HSD17B13: variants seen among roughly 807,000 people sequenced by gnomAD.
HSD17B13 encodes the protein hydroxysteroid 17-beta dehydrogenase 13, also known as 17-beta-hydroxysteroid dehydrogenase 13.
A neutral mutation model predicts 31.1 loss-of-function variants in HSD17B13; 26 were observed. The observed-to-expected ratio is 0.84, with a 90% CI of 0.61 to 1.16. The LOEUF is 1.16. HSD17B13 is among the 50% of genes most tolerant of loss of function. The pLI is 0.00. For missense variants in HSD17B13, 374 were observed against 366.5 expected, an observed-to-expected ratio of 1.02 and a Z score of -0.17; for synonymous variants, 141 against 133.7, an observed-to-expected ratio of 1.05 and a Z score of -0.38.
In HSD17B13 at chr4:87,319,961, G is replaced by A. The variant is rs6814819; in HGVS notation, c.211-1525C>T. On this transcript the variant is annotated intron_variant, in intron 1 of 6. Transcript: ENST00000328546. ...AAGGTTTTAAAAATTATACTTTTCC[G>A]TCTCACAATCTGTAAACTCTTCTCT... Among the ~76,000 whole-genome samples, 799 of 152,172 alleles carry A rather than the reference G, an allele frequency of 5.3e-3. 9 individuals are homozygous for A. Among genetic ancestry groups the A allele is most frequent in the African/African-American group, 0.018 (737 of 41,508 alleles).
At chr4:87,314,778 G>A (rs1271311337) in intron 4 of HSD17B13, among the ~76,000 whole-genome samples, 1 of 152,126 alleles carries the variant, frequency 6.6e-6, no homozygotes, top group Non-Finnish European at 1.5e-5. Context: ...TTTAGCTTCT[G>A]TAGGTTTTGC....
At chr4:87,320,958 C>T (rs1032906961) in intron 1 of HSD17B13, among the ~76,000 whole-genome samples, 1 of 152,190 alleles carries the variant, frequency 6.6e-6, no homozygotes, top group Admixed American at 6.5e-5. Flanking sequence ...CATTCAGTAG[C>T]TTAAATGTTT....
At chr4:87,308,485 T>C (rs1009811144) in intron 6 of HSD17B13, among the ~76,000 whole-genome samples, 1 of 33,196 alleles carries the variant, frequency 3.0e-5, no homozygotes, top group African/African-American at 6.1e-5. Context: ...CCGTCTCTAC[T>C]AAAAAAAAAA....
intron 1 of HSD17B13, among the ~76,000 whole-genome samples, chr4:87,321,554 A>G (rs1345172883): frequency 1.3e-5 from 2 of 152,206 alleles, no homozygotes; most frequent in Non-Finnish European, 2.9e-5. Context: ...CTCTATTTGT[A>G]AATTCTTGCT....
Position 87,317,165 on chromosome 4 carries a change from G to A in HSD17B13, c.377C>T (p.Pro126Leu), listed in dbSNP as rs1238437961. 1.2e-6 allele frequency: 2 copies of A among 1,613,654 alleles called. No individual in the cohort carries two copies. The highest frequency in any genetic ancestry group is 3.3e-5 in the Admixed American group (2 of 59,984). The change falls in exon 3 of 7, where the codon CCA (proline) becomes CTA (leucine). Residue 126 changes from proline (P) to leucine (L), a missense_variant. Pro to Leu is a moderately conservative substitution (Grantham distance 98). Coordinates refer to ENST00000328546, the MANE Select transcript of HSD17B13 (RefSeq NM_178135.5). The stretch of plus-strand genomic sequence containing the variant: ...ATCCTTGGTGCTGAGAAGATCGGCT[G>A]GATATACTGTCCCAGCATTATTCAC... Reference protein sequence around the residue: ...IVVNNAGTVYPADLLSTKDEE... With the variant: ...IVVNNAGTVYLADLLSTKDEE...
intron 3 of HSD17B13, among the ~76,000 whole-genome samples, chr4:87,316,644 A>T (rs1288324194): frequency 1.3e-5 from 2 of 152,180 alleles, no homozygotes; most frequent in East Asian, 3.8e-4. Context: ...CTCGTCCAAA[A>T]GTGTCCTCGA....
Position 87,305,312 on chromosome 4 carries a change from T to C in HSD17B13, c.813-4A>G. The C allele has an allele frequency of 1.3e-6, 2 of 1,570,128 alleles. No individual in the cohort carries two copies. Among genetic ancestry groups the C allele is most frequent in the East Asian group, 2.3e-5 (1 of 44,436 alleles). On this transcript the variant is annotated splice_region_variant and splice_polypyrimidine_tract_variant and intron_variant, in intron 6 of 6. Transcript: ENST00000328546. ...TGAGGCGCGTTCAGGAAGAAACCTG[T>C]ACAAAAAAGAAAAAAAAATTGAAAA...
rs748974525 is a variant in HSD17B13, at chr4:87,310,343, C to T, written c.712G>A (p.Glu238Lys). 9 of 1,521,108 alleles carry T rather than the reference C, an allele frequency of 5.9e-6. No individual in the cohort carries two copies. The highest frequency in any genetic ancestry group is 7.0e-6 in the Non-Finnish European group (8 of 1,142,712). 94.2% of individuals were successfully genotyped at this position (1,521,108 alleles called of 1,614,324 possible). Reference protein sequence around the residue: ...NPSTRLWPVLETDEVVRSLID... With the variant: ...NPSTRLWPVLKTDEVVRSLID... Reference sequence around the variant, plus strand: ...AGACTTCTTACGACTTCATCTGTCTCCAATACAGGCCATAATCTGTGATTA... The same window carrying T: ...AGACTTCTTACGACTTCATCTGTCTTCAATACAGGCCATAATCTGTGATTA... Residue 238 changes from glutamate (E) to lysine (K), a missense_variant, in exon 6 of 7, where the codon GAG becomes AAG. Glu to Lys is a moderately conservative substitution (Grantham distance 56). Transcript: ENST00000328546.
At position 87,304,517 on chromosome 4, in the gene HSD17B13, G is replaced by C. The variant is rs1183747564; in HGVS notation, c.*701C>G. 6.6e-6 allele frequency: 1 copy of C among 152,144 alleles called. No homozygotes were observed. Among genetic ancestry groups the C allele is most frequent in the African/African-American group, 2.4e-5 (1 of 41,498 alleles). The allele number at this position is 152,144 out of a possible 1,614,324, so 9.4% of individuals were successfully genotyped here. ...AATTACAAAGAAAAAGGTTATCATG[G>C]GGCTAGAACTTAAAATTCTGAGATT... is the stretch of plus-strand genomic sequence containing the variant. On this transcript the variant is annotated 3_prime_UTR_variant, in exon 7 of 7. Transcript: ENST00000328546.
chr4:87,305,278 T>TA lies in HSD17B13; in HGVS notation c.842dup (p.Leu281PhefsTer10). ...CAAATTGAATATTCTGCATACGATT[T>TA]AAAATCGCTGAGGCGCGTTCAGGAA... On this transcript the variant is annotated frameshift_variant, in exon 7 of 7. Transcript: ENST00000328546. LOFTEE classifies it high-confidence loss of function. 6.2e-7 allele frequency: 1 copy of TA among 1,607,380 alleles called. No individual in the cohort carries two copies.
At position 87,320,382 on chromosome 4, in the gene HSD17B13, GT is replaced by G. The variant is rs66590696; in HGVS notation, c.211-1947del. On this transcript the variant is annotated intron_variant, in intron 1 of 6. Transcript: ENST00000328546. The stretch of plus-strand genomic sequence containing the variant: ...TGATTGAAGAATTAATTATTCTTCA[GT>G]TTTTTTTTTTTTTTTTTTTTTGAGA... 4.7e-3 allele frequency among the ~76,000 whole-genome samples: 475 copies of G among 101,370 alleles called. 2 individuals are homozygous for G. The highest frequency in any genetic ancestry group is 0.014 in the African/African-American group (398 of 29,038). 66.5% of individuals were successfully genotyped at this position (101,370 alleles called of 152,430 possible).
At chr4:87,309,384 C>CAAAAAA (rs369280214) in intron 6 of HSD17B13, among the ~76,000 whole-genome samples, 1 of 50,096 alleles carries the variant, frequency 2.0e-5, no homozygotes, top group Non-Finnish European at 3.9e-5. Flanking sequence ...AACTCTGTCT[C>CAAAAAA]AAAAAAAAAA....
rs138156159 is a variant in HSD17B13 at position 87,311,029 on chromosome 4, G to C, written c.696-670C>G. ...CCAAAACCAAGATGGTGATGAAAGT[G>C]ACCTCTGGTTGTCCTCACTGCTCAT... On this transcript the variant is annotated intron_variant, in intron 5 of 6. Coordinates refer to ENST00000328546, the MANE Select transcript of HSD17B13 (RefSeq NM_178135.5). Among the ~76,000 whole-genome samples the C allele has an allele frequency of 4.5e-3, 659 of 144,878 alleles. 4 individuals are homozygous for C. Among genetic ancestry groups the C allele is most frequent in the African/African-American group, 0.015 (615 of 41,130 alleles).
At chr4:87,318,910 G>T (rs985613365) in intron 1 of HSD17B13, among the ~76,000 whole-genome samples, 1 of 151,620 alleles carries the variant, frequency 6.6e-6, no homozygotes, top group African/African-American at 2.4e-5. Flanking sequence ...GTCAGGTGTG[G>T]TGGCTCACGC....
chr4:87,322,814 G>A lies in HSD17B13; in HGVS notation c.28C>T (p.Leu10Phe), dbSNP rs1052570727. The A allele has an allele frequency of 1.2e-6, 2 of 1,613,968 alleles. No homozygotes were observed. The highest frequency in any genetic ancestry group is 2.7e-5 in the African/African-American group (2 of 74,918). The change falls in exon 1 of 7, where the codon CTT (leucine) becomes TTT (phenylalanine). Residue 10 changes from leucine to phenylalanine, a missense_variant. Physicochemically the swap from Leu to Phe is conservative, Grantham distance 22. Coordinates refer to ENST00000328546, the MANE Select transcript of HSD17B13 (RefSeq NM_178135.5). MNIILEILL[L>F]LITIIYSYLE... is the part of the protein sequence containing the mutation. ...TAGGAGTAGATGATGGTGATCAGAA[G>A]CAGAAGGATTTCTAGGATGATGTTC...
At chr4:87,319,615 C>T (rs2110104348) in intron 1 of HSD17B13, among the ~76,000 whole-genome samples, 1 of 152,272 alleles carries the variant, frequency 6.6e-6, no homozygotes, top group South Asian at 2.1e-4. Flanking sequence ...CTGACTCATC[C>T]TCCTAGGAGG....
chr4:87,306,293 T>C (rs1343348186), intron 6 of HSD17B13, among the ~76,000 whole-genome samples: 4 of 152,222 alleles, frequency 2.6e-5, no homozygotes, highest in African/African-American at 9.7e-5. Flanking sequence ...TGCTGATTAA[T>C]CTTGATGCTA....
chr4:87,318,335 T>G lies in HSD17B13; in HGVS notation c.312A>C (p.Leu104=). ...TGTGAACCTGCAGTCTCACCTGATT[T>G]AGAGAGCGATAGATCTCTTCTCTGT... The part of the protein sequence containing the change: ...CSNREEIYRS[L]NQVKKEVGDV... Residue 104 remains leucine, a synonymous_variant, in exon 2 of 7, where the codon CTA becomes CTC. Coordinates refer to ENST00000328546, the MANE Select transcript of HSD17B13 (RefSeq NM_178135.5). 2 of 1,611,516 alleles carry G rather than the reference T, an allele frequency of 1.2e-6. No individual in the cohort carries two copies. The highest frequency in any genetic ancestry group is 1.7e-6 in the Non-Finnish European group (2 of 1,177,596).
At position 87,305,129 on chromosome 4, in the gene HSD17B13, T is replaced by G. The variant is rs943870288; in HGVS notation, c.*89A>C. On this transcript the variant is annotated 3_prime_UTR_variant, in exon 7 of 7. Coordinates refer to ENST00000328546, the MANE Select transcript of HSD17B13 (RefSeq NM_178135.5). The stretch of plus-strand genomic sequence containing the variant: ...CCAATGTTTTTAATATTATCAGGAC[T>G]GAAAAAATGTGAAATAAAGCTTTGC... 1.3e-6 allele frequency: 1 copy of G among 769,060 alleles called. No individual in the cohort carries two copies. 47.6% of individuals were successfully genotyped at this position (769,060 alleles called of 1,614,324 possible).
Sources: allele counts gnomAD v4.1 joint callset (sites outside exome capture counted in the v4.1 genomes callset), GRCh38; gene constraint gnomAD v4.1.1; transcripts MANE v1.5; gene names NCBI Gene and HGNC (gene_info 2026-07-23, HGNC 2026-07-21).